The following LRIG1 variants were observed in gnomAD, a reference collection of about 807,000 sequenced individuals.
LRIG1 encodes leucine rich repeats and immunoglobulin like domains 1.
In LRIG1, 48 loss-of-function variants were observed where a neutral mutation model predicts 99.2. The ratio of observed to expected loss-of-function variants is 0.48; its 90% CI spans 0.38 to 0.62. LRIG1 has a LOEUF of 0.62. Ranked by LOEUF, LRIG1 falls within the 20% of genes least tolerant of loss-of-function variation. The pLI, the probability that LRIG1 is intolerant of heterozygous loss-of-function variation, is 0.00. For missense variants in LRIG1, 1,646 were observed against 1,434.4 expected, an observed-to-expected ratio of 1.15 and a Z score of -2.38; for synonymous variants, 772 against 596.1, an observed-to-expected ratio of 1.29 and a Z score of -4.30.
chr3:66,457,887 T>G (rs1230572390), intron 2 of LRIG1, among the ~76,000 whole-genome samples: 1 of 152,194 alleles, frequency 6.6e-6, no homozygotes, highest in East Asian at 1.9e-4. Context: ...TGGGTCAAGT[T>G]CTACCACTCA....
chr3:66,405,775 G>C (rs961851334), intron 8 of LRIG1: 3 of 1,184,868 alleles, frequency 2.5e-6, no homozygotes, highest in Non-Finnish European at 3.2e-6. Context: ...CTGGAGCCCG[G>C]AGCCCATCTC....
intron 1 of LRIG1, among the ~76,000 whole-genome samples, chr3:66,480,326 T>C (rs2106892990): frequency 6.6e-6 from 1 of 152,292 alleles, no homozygotes; most frequent in South Asian, 2.1e-4. Context: ...CAGGGAGTGC[T>C]AATGGGTACA....
rs1402639359 is a variant in LRIG1 at position 66,468,920 on chromosome 3, T to C, written c.219-6411A>G. ...ATGAAATCACCACATTATGTTCCCA[T>C]GTTGTAAGGTTTTATAAAAGAGAAT... On this transcript the variant is annotated intron_variant, in intron 1 of 18. Transcript: ENST00000273261. 9 of 152,336 alleles carry C rather than the reference T, an allele frequency of 5.9e-5. No homozygotes were observed. In the East Asian group the frequency reaches 9.6e-4, roughly 16 times the overall value. 9.4% of individuals were successfully genotyped at this position (152,336 alleles called of 1,614,324 possible).
rs200269055 is a variant in LRIG1, at chr3:66,381,529, G to T, written c.2720C>A (p.Pro907Gln). The T allele has an allele frequency of 1.9e-6, 3 of 1,614,032 alleles. No individual in the cohort carries two copies. ...TTCAGCTTTCTCCATCGCTTTCCAC[G>T]GCTCTTTGTGATACGCAGACCCAGC... Reference protein sequence around the residue: ...LCAGSAYHKEPWKAMEKAEGT... With the variant: ...LCAGSAYHKEQWKAMEKAEGT... Residue 907 changes from proline to glutamine, a missense_variant, in exon 17 of 19, where the codon CCG becomes CAG. By Grantham distance (76) the Pro-to-Gln change is moderately conservative. Transcript: ENST00000273261.
At chr3:66,441,010 T>C (rs1703519326) in intron 3 of LRIG1, among the ~76,000 whole-genome samples, 1 of 152,182 alleles carries the variant, frequency 6.6e-6, no homozygotes, top group South Asian at 2.1e-4. Flanking sequence ...ACCTTTGTCC[T>C]ACCGCTACGT....
chr3:66,455,311 A>G (rs868848641), intron 2 of LRIG1, among the ~76,000 whole-genome samples: 15 of 152,204 alleles, frequency 9.9e-5, no homozygotes, highest in African/African-American at 3.4e-4. Context: ...TTTTCAAACC[A>G]TTTCAAAAAA....
chr3:66,410,982 T>C (rs1018371280), intron 6 of LRIG1, among the ~76,000 whole-genome samples: 4 of 152,214 alleles, frequency 2.6e-5, no homozygotes, highest in African/African-American at 7.2e-5. Flanking sequence ...TGGATTTAAA[T>C]CCTAATTTTG....
In LRIG1 at chr3:66,381,605, A is replaced by G. The variant is rs759798542; in HGVS notation, c.2644T>C (p.Phe882Leu). Reference protein sequence around the residue: ...NGVCPRDASHFPEPDTHSVAC... With the variant: ...NGVCPRDASHLPEPDTHSVAC... ...ACGCTGTGAGTGTCGGGCTCTGGAA[A>G]GTGGCTTGCATCTCTTGGACACACA... is the stretch of plus-strand genomic sequence containing the variant. Residue 882 changes from phenylalanine (F) to leucine (L), a missense_variant, in exon 17 of 19, where the codon TTT (phenylalanine) becomes CTT (leucine). Transcript: ENST00000273261. The G allele has an allele frequency of 3.3e-5, 54 of 1,614,028 alleles. No homozygotes were observed. Among genetic ancestry groups the G allele is most frequent in the Non-Finnish European group, 4.5e-5 (53 of 1,179,872 alleles).
intron 3 of LRIG1, among the ~76,000 whole-genome samples, chr3:66,440,935 C>T (rs1703516720): frequency 1.3e-5 from 2 of 152,138 alleles, no homozygotes; most frequent in South Asian, 4.1e-4. Flanking sequence ...TGCAAAAATG[C>T]CCCCTCTCTA....
At chr3:66,461,065 C>T (rs1457709276) in intron 2 of LRIG1, among the ~76,000 whole-genome samples, 3 of 152,184 alleles carry the variant, frequency 2.0e-5, no homozygotes, top group African/African-American at 7.2e-5. Context: ...AACCCCAGCA[C>T]TTTGGGAGGC....
At chr3:66,425,913 C>T (rs1417878448) in intron 3 of LRIG1, among the ~76,000 whole-genome samples, 2 of 152,230 alleles carry the variant, frequency 1.3e-5, no homozygotes, top group Admixed American at 6.5e-5. Flanking sequence ...ATTTTCAGAG[C>T]TGATGTTAAA....
intron 8 of LRIG1, 95 bp from the exon 9 acceptor site, chr3:66,405,373 T>A (rs3796148): frequency 4.2e-6 from 4 of 955,802 alleles, no homozygotes; most frequent in Non-Finnish European, 6.7e-6. Context: ...TGAAGTCCCC[T>A]GGGTGCATGC....
At chr3:66,412,245 T>C (rs974215984) in intron 6 of LRIG1, among the ~76,000 whole-genome samples, 1 of 152,138 alleles carries the variant, frequency 6.6e-6, no homozygotes, top group Admixed American at 6.5e-5. Flanking sequence ...TCTACATTTT[T>C]GGCCCACCTG....
chr3:66,449,509 C>T (rs1043218662), intron 3 of LRIG1, among the ~76,000 whole-genome samples: 12 of 152,344 alleles, frequency 7.9e-5, no homozygotes, highest in African/African-American at 2.9e-4. Flanking sequence ...CAAACAGCCC[C>T]ACTTCTCTTG....
At chr3:66,384,504 A>G (rs1422274035) in intron 13 of LRIG1, among the ~76,000 whole-genome samples, 2 of 152,120 alleles carry the variant, frequency 1.3e-5, no homozygotes, top group African/African-American at 4.8e-5. Flanking sequence ...TAGGCTGGCT[A>G]TAGTCCCTTC....
intron 12 of LRIG1, among the ~76,000 whole-genome samples, chr3:66,393,355 T>C (rs1436536594): frequency 2.0e-5 from 3 of 152,194 alleles, no homozygotes; most frequent in African/African-American, 7.2e-5. Flanking sequence ...AAACTCAAAA[T>C]TCATCTCATT....
chr3:66,426,469 T>C (rs1702983787), intron 3 of LRIG1, among the ~76,000 whole-genome samples: 1 of 152,220 alleles, frequency 6.6e-6, no homozygotes, highest in South Asian at 2.1e-4. Context: ...TTTGGAACCA[T>C]GTATAAATCA....
chr3:66,379,992 T>TAAAG lies in LRIG1; in HGVS notation c.*267_*270dup, dbSNP rs1398409185. On this transcript the variant is annotated 3_prime_UTR_variant, in exon 19 of 19. Transcript: ENST00000273261. ...TAATTTTTTTCTGTTAACCATGCACTAAAGATTAAAATAGCCTCTGTAAAA... is the reference window on the plus strand; with the variant it reads ...TAATTTTTTTCTGTTAACCATGCACTAAAGAAAGATTAAAATAGCCTCTGTAAAA... 7.3e-6 allele frequency: 2 copies of TAAAG among 274,044 alleles called. No individual in the cohort carries two copies. The highest frequency in any genetic ancestry group is 1.4e-5 in the Non-Finnish European group (2 of 146,238). 17.0% of individuals were successfully genotyped at this position (274,044 alleles called of 1,614,324 possible). A position where few individuals can be genotyped will look rare whatever the true frequency, so the allele number is the denominator to read the frequency against.
intron 3 of LRIG1, among the ~76,000 whole-genome samples, chr3:66,421,811 G>A (rs552364166): frequency 6.6e-6 from 1 of 152,228 alleles, no homozygotes; most frequent in Non-Finnish European, 1.5e-5. Flanking sequence ...CCCTAGCAGA[G>A]GTTCTTCATG....
Sources: allele counts gnomAD v4.1 joint callset (sites outside exome capture counted in the v4.1 genomes callset), GRCh38; gene constraint gnomAD v4.1.1; transcripts MANE v1.5; gene names NCBI Gene and HGNC (gene_info 2026-07-23, HGNC 2026-07-21).